Variants in CD276 observed in about 807,000 individuals in gnomAD.
The protein encoded by CD276 is CD276 antigen.
A neutral mutation model predicts 50.0 loss-of-function variants in CD276; 34 were observed. The ratio of observed to expected loss-of-function variants is 0.68; its 90% CI spans 0.52 to 0.91. The LOEUF (loss-of-function observed/expected upper bound fraction) is 0.91, where lower values mean the gene tolerates loss of function less well. Ranked by LOEUF, CD276 falls within the 40% of genes least tolerant of loss-of-function variation. The probability of loss-of-function intolerance (pLI) is 0.00; values close to 1 mark genes in which losing one functional copy is unlikely to be tolerated. For missense variants in CD276, 634 were observed against 717.5 expected (o/e 0.88, Z 1.33); for synonymous variants, 275 against 313.0 (o/e 0.88, Z 1.28).
At chr15:73,700,869 G>C (rs191543609) in intron 2 of CD276, among the ~76,000 whole-genome samples, 1 of 9,028 alleles carries the variant, frequency 1.1e-4, no homozygotes, top group East Asian at 3.9e-3. Context: ...GTGCCAGGGT[G>C]GGGGGGTTCG....
chr15:73,695,340 G>A (rs1305074610), intron 1 of CD276, among the ~76,000 whole-genome samples: 2 of 152,132 alleles, frequency 1.3e-5, no homozygotes, highest in Admixed American at 6.5e-5. Flanking sequence ...TCAGGAGGAC[G>A]GGTCTCTGGA....
rs1320648606 is a variant in CD276 at position 73,704,404 on chromosome 15, G to A, written c.1301G>A (p.Gly434Asp). ...CTGCGGGTGGTGCTGGGTGCGAATG[G>A]CACCTACAGCTGCCTGGTGCGCAAC... ...SVLRVVLGAN[G>D]TYSCLVRNPV... Residue 434 changes from glycine (G) to aspartate (D), a missense_variant, in exon 6 of 10, where the codon GGC becomes GAC. Physicochemically the swap from Gly to Asp is moderately conservative, Grantham distance 94. Coordinates refer to ENST00000318443, the MANE Select transcript of CD276 (RefSeq NM_001024736.2). This position sits in a 1 kb window ranked among gnomAD's most constrained non-coding sequence, Gnocchi z 4.1. 1 of 1,614,080 alleles carries A rather than the reference G, an allele frequency of 6.2e-7. No homozygotes were observed.
At chr15:73,686,651 G>T (rs1156382349) in intron 1 of CD276, among the ~76,000 whole-genome samples, 2 of 152,276 alleles carry the variant, frequency 1.3e-5, no homozygotes, top group East Asian at 1.9e-4. Context: ...CAAGGAGCTG[G>T]ACAATGCTGT....
At position 73,714,124 on chromosome 15, in the gene CD276, G is replaced by A. The variant is rs1901030545; in HGVS notation, c.*1168G>A. ...CCTGGAGAGAGGGACATAGCCCCTC[G>A]CCACGGCTAGAGAATCTGGTGGTGT... On this transcript the variant is annotated 3_prime_UTR_variant, in exon 10 of 10. Coordinates refer to ENST00000318443, the MANE Select transcript of CD276 (RefSeq NM_001024736.2). The A allele has an allele frequency of 7.2e-6, 2 of 279,162 alleles. No individual in the cohort carries two copies. Among genetic ancestry groups the A allele is most frequent in the Non-Finnish European group, 1.4e-5 (2 of 147,242 alleles). 17.3% of individuals were successfully genotyped at this position (279,162 alleles called of 1,614,324 possible).
intron 6 of CD276, among the ~76,000 whole-genome samples, chr15:73,705,494 G>A (rs1032136891): frequency 1.3e-5 from 2 of 151,936 alleles, no homozygotes; most frequent in South Asian, 2.1e-4. Flanking sequence ...TCTCTCTTAC[G>A]TGTTTCCTTC....
intron 8 of CD276, among the ~76,000 whole-genome samples, chr15:73,710,141 T>A (rs1243055892): frequency 6.6e-6 from 1 of 152,240 alleles, no homozygotes; most frequent in East Asian, 1.9e-4. Context: ...TTGTTTGAAT[T>A]ATTAATTGAG....
At chr15:73,708,498 G>C (rs2291011) in intron 7 of CD276, 25 bp downstream of exon 7, 2 of 1,604,392 alleles carry the variant, frequency 1.2e-6, no homozygotes, top group African/African-American at 1.3e-5. Context: ...ATGTGTGTGC[G>C]TGCGCATGCA....
Position 73,709,693 on chromosome 15 carries a change from A to C in CD276, c.1546+4A>C, listed in dbSNP as rs748343221. The C allele has an allele frequency of 3.7e-6, 6 of 1,611,450 alleles. No homozygotes were observed. The African/African-American group carries it at 8.0e-5, about 22-fold the overall frequency. On this transcript the variant is annotated splice_donor_region_variant and intron_variant, in intron 8 of 9. Transcript: ENST00000318443. ...GAGGGAGAAGGCTCCAAGACAGGTG[A>C]GTCTGAACTTGGAGCTGGCCCTCTT...
intron 1 of CD276, among the ~76,000 whole-genome samples, chr15:73,696,551 G>T (rs907422217): frequency 4.6e-5 from 7 of 152,310 alleles, no homozygotes; most frequent in African/African-American, 7.2e-5. Context: ...TCTAGGAAAG[G>T]AATGAAAGGG....
rs201009986 is a variant in CD276, at chr15:73,699,607, G to T, written c.-33G>T. 1 of 1,610,390 alleles carries T rather than the reference G, an allele frequency of 6.2e-7. No individual in the cohort carries two copies. Among genetic ancestry groups the T allele is most frequent in the East Asian group, 2.2e-5 (1 of 44,784 alleles). On this transcript the variant is annotated 5_prime_UTR_variant, in exon 2 of 10. Transcript: ENST00000318443. ...CCAGGCAGGGGCAGCCTTCCACCAC[G>T]GGGAGCCCAGCTGTCAGCCGCCTCA...
chr15:73,712,915 T>A lies in CD276; in HGVS notation c.1583-19T>A. 1 of 1,613,118 alleles carries A rather than the reference T, an allele frequency of 6.2e-7. No homozygotes were observed. On this transcript the variant is annotated intron_variant, in intron 9 of 9. Transcript: ENST00000318443. Reference sequence around the variant, plus strand: ...ATGCTTTTCCCTTCCCTTTTTTTTCTTCCCATCATGAAATGAAGATGATGG... The same window carrying A: ...ATGCTTTTCCCTTCCCTTTTTTTTCATCCCATCATGAAATGAAGATGATGG...
chr15:73,714,055 T>C lies in CD276; in HGVS notation c.*1099T>C. On this transcript the variant is annotated 3_prime_UTR_variant, in exon 10 of 10. Coordinates refer to ENST00000318443, the MANE Select transcript of CD276 (RefSeq NM_001024736.2). ...AGGCTTCCTGGATACCTCACCCCCA[T>C]CCCACCCATAATTCTTACCCAGAGC... 3.4e-6 allele frequency: 1 copy of C among 293,028 alleles called. No homozygotes were observed. Among genetic ancestry groups the C allele is most frequent in the African/African-American group, 2.4e-5 (1 of 42,476 alleles). The allele number at this position is 293,028 out of a possible 1,614,324, so 18.2% of individuals were successfully genotyped here.
At chr15:73,684,708 T>C (rs968569659) in intron 1 of CD276, 3 of 151,974 alleles carry the variant, frequency 2.0e-5, no homozygotes, top group Non-Finnish European at 4.4e-5. Flanking sequence ...AGCTGGGGGC[T>C]CCCGGATCCT....
At chr15:73,697,987 A>T (rs1900240308) in intron 1 of CD276, among the ~76,000 whole-genome samples, 1 of 152,180 alleles carries the variant, frequency 6.6e-6, no homozygotes, top group Non-Finnish European at 1.5e-5. Context: ...GTTGGCATAG[A>T]TGTGGCTTGA....
intron 1 of CD276, chr15:73,690,530 G>A (rs1173192681): frequency 1.1e-5 from 4 of 358,514 alleles, no homozygotes; most frequent in African/African-American, 6.3e-5. Context: ...CTGGCATCTG[G>A]CGAGGGCCTT....
intron 1 of CD276, among the ~76,000 whole-genome samples, chr15:73,692,127 G>A (rs867440421): frequency 6.6e-6 from 1 of 152,014 alleles, no homozygotes; most frequent in African/African-American, 2.4e-5. Context: ...ATATGCTGTG[G>A]ACATCTCCTC....
chr15:73,702,725 C>T lies in CD276; in HGVS notation c.419-47C>T, dbSNP rs545149233. 5 of 1,587,964 alleles carry T rather than the reference C, an allele frequency of 3.1e-6. No individual in the cohort carries two copies. The South Asian group carries it at 4.6e-5, about 15-fold the overall frequency. On this transcript the variant is annotated intron_variant, in intron 3 of 9. Coordinates refer to ENST00000318443, the MANE Select transcript of CD276 (RefSeq NM_001024736.2). ...ACTCAGCCCCATGCATCCTTTTCGT[C>T]CTCTGCCATTGCCCTGCCCTTGACC...
chr15:73,709,499 G>A (rs1350687712), intron 7 of CD276, 149 bp from the exon 8 acceptor site: 24 of 749,154 alleles, frequency 3.2e-5, no homozygotes, highest in Middle Eastern at 7.0e-4. Context: ...CTCTGCTCTC[G>A]GGCTCTAACC....
chr15:73,686,131 G>A (rs1358886338), intron 1 of CD276, among the ~76,000 whole-genome samples: 2 of 152,150 alleles, frequency 1.3e-5, no homozygotes, highest in Non-Finnish European at 2.9e-5. Flanking sequence ...GGACGCTGGC[G>A]GGAGAGAGCT....
Sources: allele counts gnomAD v4.1 joint callset (sites outside exome capture counted in the v4.1 genomes callset), GRCh38; gene constraint gnomAD v4.1.1; non-coding constraint Gnocchi (gnomAD v3.1); transcripts MANE v1.5; gene names NCBI Gene and HGNC (gene_info 2026-07-23, HGNC 2026-07-21).